Variants in NF2 observed in about 807,000 individuals in gnomAD.
NF2 encodes the protein NF2, moesin-ezrin-radixin like (MERLIN) tumor suppressor.
NF2 carries 8 observed loss-of-function variants against 83.7 expected under a neutral mutation model. The observed-to-expected ratio is 0.10, with a 90% CI of 0.06 to 0.17. NF2 has a LOEUF of 0.17. Among genes scored for constraint, NF2 ranks in the 10% least tolerant of loss-of-function variants. The pLI, the probability that NF2 is intolerant of heterozygous loss-of-function variation, is 1.00. For synonymous variants in NF2, 266 were observed against 269.6 expected (o/e 0.99, Z 0.13); for missense variants, 533 against 744.4 (o/e 0.72, Z 3.31).
intron 1 of NF2, among the ~76,000 whole-genome samples, chr22:29,624,919 CTCTT>C (rs553444447): frequency 0.012 from 1,662 of 144,104 alleles, 16 homozygotes; most frequent in Middle Eastern, 0.048. Flanking sequence ...CTCTCTCTCT[CTCTT>C]TCTTTCTTTC....
At position 29,636,723 on chromosome 22, in the gene NF2, G is replaced by A. The variant is rs2146850914; in HGVS notation, c.115-28G>A. ...TTTATTAATGATTTTTGCTCACAGTGTCCTTCCCCATTGGTTTGTTATTGC... is the reference window on the plus strand; with the variant it reads ...TTTATTAATGATTTTTGCTCACAGTATCCTTCCCCATTGGTTTGTTATTGC... On this transcript the variant is annotated intron_variant, in intron 1 of 15. Transcript: ENST00000338641. This position sits in a 1 kb window ranked among gnomAD's most constrained non-coding sequence, Gnocchi z 4.4. The A allele has an allele frequency of 6.2e-7, 1 of 1,614,128 alleles. No homozygotes were observed.
At chr22:29,625,284 C>T (rs889859420) in intron 1 of NF2, among the ~76,000 whole-genome samples, 17 of 152,124 alleles carry the variant, frequency 1.1e-4, no homozygotes, top group Admixed American at 9.2e-4. Context: ...TTGATGTCCA[C>T]GGTGATAGCA....
At chr22:29,616,568 C>T (rs1388076946) in intron 1 of NF2, among the ~76,000 whole-genome samples, 1 of 152,046 alleles carries the variant, frequency 6.6e-6, no homozygotes, top group African/African-American at 2.4e-5. Flanking sequence ...TATGTAAAAC[C>T]CTGCCTCTAC....
At chr22:29,643,545 G>A (rs1347584411) in intron 4 of NF2, among the ~76,000 whole-genome samples, 2 of 152,104 alleles carry the variant, frequency 1.3e-5, no homozygotes, top group Non-Finnish European at 2.9e-5. Flanking sequence ...ATCTTGCACC[G>A]CCCTTAATCC....
chr22:29,655,700 T>C, intron 6 of NF2, 24 bp downstream of exon 6: 1 of 1,585,460 alleles, frequency 6.3e-7, no homozygotes, highest in East Asian at 2.2e-5. Flanking sequence ...ATTGTTGGTT[T>C]ACATTCCTTT....
At chr22:29,657,139 A>C (rs955100773) in intron 6 of NF2, among the ~76,000 whole-genome samples, 1 of 151,816 alleles carries the variant, frequency 6.6e-6, no homozygotes, top group Non-Finnish European at 1.5e-5. Flanking sequence ...GTGTCTCCCT[A>C]CCCCCAATTC....
rs1847329933 is a variant in NF2 at position 29,694,404 on chromosome 22, C to G, written c.1738-348C>G. Among the ~76,000 whole-genome samples the G allele has an allele frequency of 6.6e-6, 1 of 152,224 alleles. No homozygotes were observed. The highest frequency in any genetic ancestry group is 2.4e-5 in the African/African-American group (1 of 41,450). ...TGGTGCCGCCACAGACAGCACACCA[C>G]AGAGGTGGCTCAGGGACCTTGGTAG... On this transcript the variant is annotated intron_variant, in intron 15 of 15. Coordinates refer to ENST00000338641, the MANE Select transcript of NF2 (RefSeq NM_000268.4). This position sits in a 1 kb window ranked among gnomAD's most constrained non-coding sequence, Gnocchi z 4.1.
At chr22:29,621,053 C>T (rs1258373800) in intron 1 of NF2, among the ~76,000 whole-genome samples, 1 of 152,116 alleles carries the variant, frequency 6.6e-6, no homozygotes, top group African/African-American at 2.4e-5. Flanking sequence ...AGGACAGGGA[C>T]AGGTAGGTAG....
chr22:29,640,768 CGTGTGTGT>C (rs10555211), intron 3 of NF2, among the ~76,000 whole-genome samples: 4 of 149,824 alleles, frequency 2.7e-5, no homozygotes, highest in South Asian at 2.1e-4. Context: ...GTCTGGGGGG[CGTGTGTGT>C]GTGTGTGTGT....
chr22:29,630,678 CCT>C (rs1461107175), intron 1 of NF2, among the ~76,000 whole-genome samples: 1 of 152,234 alleles, frequency 6.6e-6, no homozygotes, highest in Non-Finnish European at 1.5e-5. Flanking sequence ...ACGCCCTCCA[CCT>C]CTCTCTTTCC....
intron 4 of NF2, among the ~76,000 whole-genome samples, chr22:29,645,177 A>C (rs2065950563): frequency 6.6e-6 from 1 of 152,224 alleles, no homozygotes; most frequent in Non-Finnish European, 1.5e-5. Flanking sequence ...TAGTCAGACC[A>C]ATAGAAGCAC....
chr22:29,674,724 T>G (rs534956703), intron 12 of NF2, 112 bp from the exon 13 acceptor site: 2 of 845,518 alleles, frequency 2.4e-6, no homozygotes, highest in South Asian at 2.9e-5. Context: ...TTCACCTCTT[T>G]GGGTGCCATC....
intron 13 of NF2, among the ~76,000 whole-genome samples, chr22:29,677,866 T>G (rs1266330362): frequency 1.3e-5 from 2 of 152,244 alleles, no homozygotes; most frequent in Non-Finnish European, 2.9e-5. Context: ...CTGTCTTGTT[T>G]TCTGCATCTC....
intron 4 of NF2, among the ~76,000 whole-genome samples, chr22:29,645,147 G>C (rs1263260087): frequency 6.6e-6 from 1 of 152,022 alleles, no homozygotes; most frequent in Non-Finnish European, 1.5e-5. Context: ...TCATTTGTGG[G>C]GAAAAAAGGC....
chr22:29,696,622 T>A lies in NF2; in HGVS notation c.*1820T>A. On this transcript the variant is annotated 3_prime_UTR_variant, in exon 16 of 16. Transcript: ENST00000338641. ...CTGCTCGGCAACTGCTTGGGTCACC[T>A]TGCCCCAAGGAAACCAGCCCTGGGT... The A allele has an allele frequency of 4.7e-6, 1 of 213,012 alleles. No individual in the cohort carries two copies. The highest frequency in any genetic ancestry group is 9.5e-6 in the Non-Finnish European group (1 of 105,060). 13.2% of individuals were successfully genotyped at this position (213,012 alleles called of 1,614,324 possible).
intron 1 of NF2, among the ~76,000 whole-genome samples, chr22:29,632,665 T>C (rs560860413): frequency 6.6e-6 from 1 of 152,304 alleles, no homozygotes; most frequent in Admixed American, 6.5e-5. Context: ...GAGCGGGAGT[T>C]AACTGGCTTT....
At chr22:29,652,847 T>TAGG (rs1311345867) in intron 4 of NF2, among the ~76,000 whole-genome samples, 1 of 152,212 alleles carries the variant, frequency 6.6e-6, no homozygotes, top group Non-Finnish European at 1.5e-5. Flanking sequence ...TTAGTACAGT[T>TAGG]ACGACTTACT....
chr22:29,649,387 C>G (rs769115945), intron 4 of NF2, among the ~76,000 whole-genome samples: 3 of 152,188 alleles, frequency 2.0e-5, no homozygotes, highest in Admixed American at 6.5e-5. Flanking sequence ...TTGAGACCAG[C>G]TTGGCCACAT....
intron 15 of NF2, among the ~76,000 whole-genome samples, chr22:29,692,369 C>T (rs1277935932): frequency 1.3e-5 from 2 of 152,180 alleles, no homozygotes; most frequent in South Asian, 2.1e-4. Flanking sequence ...CGCTGCAGTG[C>T]AGCTCAGGTG....
Sources: allele counts gnomAD v4.1 joint callset (sites outside exome capture counted in the v4.1 genomes callset), GRCh38; gene constraint gnomAD v4.1.1; non-coding constraint Gnocchi (gnomAD v3.1); transcripts MANE v1.5; gene names NCBI Gene and HGNC (gene_info 2026-07-23, HGNC 2026-07-21).